RELB: variants seen among roughly 807,000 people sequenced by gnomAD.
RELB encodes RELB proto-oncogene, NF-kB subunit.
Under a neutral mutation model 55.4 loss-of-function variants are expected in RELB, and 14 were observed. That is an observed-to-expected ratio of 0.25 (90% CI 0.17 to 0.40). RELB has a LOEUF of 0.40. Among genes scored for constraint, RELB ranks in the 10% least tolerant of loss-of-function variants. The pLI is 1.00. For missense variants in RELB, 669 were observed against 830.7 expected (o/e 0.81, Z 2.39); for synonymous variants, 409 against 371.3 (o/e 1.10, Z -1.17).
intron 8 of RELB, among the ~76,000 whole-genome samples, chr19:45,030,988 C>T (rs372589243): frequency 1.9e-4 from 29 of 152,214 alleles, no homozygotes; most frequent in Middle Eastern, 3.4e-3. Flanking sequence ...TTATACAATA[C>T]GGTACCTAAT....
chr19:45,002,124 G>A (rs1971219623), intron 1 of RELB, among the ~76,000 whole-genome samples: 1 of 150,184 alleles, frequency 6.7e-6, no homozygotes, highest in Non-Finnish European at 1.5e-5. Flanking sequence ...GCCTGGCCGT[G>A]AGGGCAGGAA....
intron 2 of RELB, chr19:45,003,452 G>A (rs1455172539): frequency 3.7e-5 from 17 of 456,482 alleles, no homozygotes; most frequent in South Asian, 1.6e-4. Context: ...TCCAGCCTGG[G>A]AGACAGAGCG....
intron 1 of RELB, among the ~76,000 whole-genome samples, chr19:45,002,140 C>T (rs913534188): frequency 5.1e-5 from 1 of 19,702 alleles, no homozygotes; most frequent in Admixed American, 5.6e-4. Context: ...AGGAAGGGGG[C>T]GGGGCCTGAG....
At chr19:45,010,525 C>T (rs1014110024) in intron 3 of RELB, among the ~76,000 whole-genome samples, 2 of 151,476 alleles carry the variant, frequency 1.3e-5, no homozygotes, top group South Asian at 2.1e-4. Context: ...ATAAACAGGA[C>T]GAGGGAGAGA....
Position 45,034,268 on chromosome 19 carries a change from G to A in RELB, c.1232G>A (p.Arg411Gln), listed in dbSNP as rs1259719710. 9 of 1,613,968 alleles carry A rather than the reference G, an allele frequency of 5.6e-6. No homozygotes were observed. Among genetic ancestry groups the A allele is most frequent in the South Asian group, 2.2e-5 (2 of 91,084 alleles). ...DHDSYGVDKK[R>Q]KRGMPDVLGE... ...GACAGCTACGGCGTGGACAAGAAGC[G>A]GAAACGGGGGATGCCCGACGTCCTT... The change falls in exon 10 of 12, where the codon CGG (arginine) becomes CAG (glutamine). Residue 411 changes from arginine to glutamine, a missense_variant. Coordinates refer to ENST00000221452, the MANE Select transcript of RELB (RefSeq NM_006509.4).
intron 4 of RELB, among the ~76,000 whole-genome samples, chr19:45,020,549 C>G (rs978863921): frequency 6.2e-4 from 88 of 141,246 alleles, no homozygotes; most frequent in African/African-American, 2.2e-3. Flanking sequence ...AATGTGGCAC[C>G]CATCTTTTTT....
intron 8 of RELB, 72 bp downstream of exon 8, chr19:45,029,064 G>A (rs1268508875): frequency 6.6e-6 from 7 of 1,053,706 alleles, no homozygotes; most frequent in Non-Finnish European, 8.6e-6. Flanking sequence ...AGGGAGCCCG[G>A]GAAGATGAAA....
rs750817497 is a variant in RELB, at chr19:45,012,291, C to T, written c.504+15C>T. ...CCGCCATCGAGGTGGGCCCGGCGAG[C>T]GGCCCCGGGCGGGTGGGACTGGGGC... is the stretch of plus-strand genomic sequence containing the variant. On this transcript the variant is annotated intron_variant, in intron 4 of 11. Coordinates refer to ENST00000221452, the MANE Select transcript of RELB (RefSeq NM_006509.4). 2 of 1,368,748 alleles carry T rather than the reference C, an allele frequency of 1.5e-6. No individual in the cohort carries two copies. The highest frequency in any genetic ancestry group is 1.9e-6 in the Non-Finnish European group (2 of 1,065,922). The allele number at this position is 1,368,748 out of a possible 1,614,324, so 84.8% of individuals were successfully genotyped here. A position where few individuals can be genotyped will look rare whatever the true frequency, so the allele number is the denominator to read the frequency against.
chr19:45,029,476 G>T (rs1441180762), intron 8 of RELB, among the ~76,000 whole-genome samples: 10 of 152,166 alleles, frequency 6.6e-5, no homozygotes, highest in South Asian at 2.1e-4. Context: ...AATTTGGGAG[G>T]CTGAGGTGGG....
intron 11 of RELB, among the ~76,000 whole-genome samples, chr19:45,036,789 C>T (rs186774391): frequency 3.8e-4 from 58 of 152,322 alleles, no homozygotes; most frequent in African/African-American, 1.3e-3. Context: ...AGCAATCCTC[C>T]TGCCTCAGAC....
At chr19:45,005,175 GA>G (rs1241576582) in intron 2 of RELB, among the ~76,000 whole-genome samples, 1 of 151,250 alleles carries the variant, frequency 6.6e-6, no homozygotes, top group South Asian at 2.1e-4. Context: ...TCCGTCTCAG[GA>G]AAAAAAACAA....
intron 2 of RELB, among the ~76,000 whole-genome samples, chr19:45,009,575 T>G (rs759356824): frequency 6.6e-6 from 1 of 152,120 alleles, no homozygotes; most frequent in Non-Finnish European, 1.5e-5. Context: ...TTTGGCTTAG[T>G]TGGAGGATAC....
At chr19:45,013,482 T>C (rs901425774) in intron 4 of RELB, among the ~76,000 whole-genome samples, 4 of 152,140 alleles carry the variant, frequency 2.6e-5, no homozygotes, top group East Asian at 1.9e-4. Flanking sequence ...TCAATCTGTC[T>C]TTGTGTTTCG....
intron 1 of RELB, among the ~76,000 whole-genome samples, chr19:45,002,471 GC>G (rs942623875): frequency 1.3e-5 from 2 of 152,124 alleles, no homozygotes; most frequent in African/African-American, 2.4e-5. Flanking sequence ...TCCTGCCTCA[GC>G]CCCCCGAGTA....
At chr19:45,014,693 ACTTT>A (rs1219660531) in intron 4 of RELB, among the ~76,000 whole-genome samples, 15 of 142,536 alleles carry the variant, frequency 1.1e-4, no homozygotes, top group Admixed American at 2.8e-4. Context: ...AATATTTTGT[ACTTT>A]TAGTAGAGAT....
intron 5 of RELB, 76 bp from the exon 6 acceptor site, chr19:45,025,253 C>A: frequency 1.0e-6 from 1 of 999,092 alleles, no homozygotes. Context: ...GCAGCATCTG[C>A]CAGAGCCCTC....
chr19:45,025,177 C>A (rs1971542595), intron 5 of RELB, among the ~76,000 whole-genome samples, 152 bp from the exon 6 acceptor site: 1 of 151,944 alleles, frequency 6.6e-6, no homozygotes. Context: ...GTTTAAACCC[C>A]AGACCGTTTC....
intron 4 of RELB, 122 bp from the exon 5 acceptor site, chr19:45,021,931 A>C (rs1971493771): frequency 2.1e-6 from 2 of 951,976 alleles, no homozygotes; most frequent in African/African-American, 3.4e-5. Flanking sequence ...AAGGTTGGGG[A>C]GCTCCCAACA....
At chr19:45,018,272 C>T (rs1328374683) in intron 4 of RELB, among the ~76,000 whole-genome samples, 3 of 152,014 alleles carry the variant, frequency 2.0e-5, no homozygotes, top group Non-Finnish European at 2.9e-5. Context: ...GGTGTGGTGG[C>T]GGGCGCCTAT....
Sources: allele counts gnomAD v4.1 joint callset (sites outside exome capture counted in the v4.1 genomes callset), GRCh38; gene constraint gnomAD v4.1.1; transcripts MANE v1.5; gene names NCBI Gene and HGNC (gene_info 2026-07-23, HGNC 2026-07-21).